SNX24: variants seen among roughly 807,000 people sequenced by gnomAD.
SNX24 encodes sorting nexin-24.
A neutral mutation model predicts 28.7 loss-of-function variants in SNX24; 22 were observed. That is an observed-to-expected ratio of 0.77 (90% CI 0.55 to 1.10). The LOEUF (loss-of-function observed/expected upper bound fraction) is 1.10, where lower values mean the gene tolerates loss of function less well. SNX24 is among the 50% of genes least tolerant of loss of function. SNX24 has a pLI of 0.00. For synonymous variants in SNX24, 69 were observed against 71.5 expected, an observed-to-expected ratio of 0.96 and a Z score of 0.18; for missense variants, 221 against 201.1, an observed-to-expected ratio of 1.10 and a Z score of -0.60.
chr5:122,949,621 T>G (rs1240669222), intron 3 of SNX24, among the ~76,000 whole-genome samples: 1 of 152,204 alleles, frequency 6.6e-6, no homozygotes, highest in Admixed American at 6.5e-5. Context: ...GATTTCCATA[T>G]GATCATATTT....
At chr5:122,983,933 G>A (rs1232559852) in intron 3 of SNX24, among the ~76,000 whole-genome samples, 6 of 152,192 alleles carry the variant, frequency 3.9e-5, no homozygotes, top group Non-Finnish European at 7.3e-5. Context: ...ATATTATTGT[G>A]ATAGTCATCA....
intron 1 of SNX24, among the ~76,000 whole-genome samples, chr5:122,864,750 A>G (rs1326988511): frequency 6.6e-6 from 1 of 152,198 alleles, no homozygotes; most frequent in Non-Finnish European, 1.5e-5. Context: ...TATCTTAAGC[A>G]CTGATCTTAG....
At chr5:122,962,284 G>C (rs946061769) in intron 3 of SNX24, among the ~76,000 whole-genome samples, 2 of 151,614 alleles carry the variant, frequency 1.3e-5, no homozygotes, top group African/African-American at 2.4e-5. Flanking sequence ...TATTTTTAAG[G>C]CTTGCATTAT....
At chr5:122,864,728 G>C (rs1422162664) in intron 1 of SNX24, among the ~76,000 whole-genome samples, 3 of 152,314 alleles carry the variant, frequency 2.0e-5, no homozygotes, top group Non-Finnish European at 2.9e-5. Flanking sequence ...ATCAAGTGCG[G>C]GGTCTGCAAA....
At chr5:122,917,211 T>A (rs1398729014) in intron 1 of SNX24, among the ~76,000 whole-genome samples, 1 of 150,404 alleles carries the variant, frequency 6.6e-6, no homozygotes, top group East Asian at 1.9e-4. Context: ...GAGCCGAGAT[T>A]GTGCCACTGC....
In SNX24 at chr5:122,866,061, A is replaced by G. The variant is rs187356819; in HGVS notation, c.60+20368A>G. On this transcript the variant is annotated intron_variant, in intron 1 of 6. Transcript: ENST00000261369. ...ATATTTGTTTGCTGTATATACATAC[A>G]TATTTTTGTAACAAAATAAGGAGGA... Among the ~76,000 whole-genome samples, 32 of 152,358 alleles carry G rather than the reference A, an allele frequency of 2.1e-4. 1 individual carries two copies. The East Asian group carries it at 6.0e-3, about 28-fold the overall frequency.
intron 3 of SNX24, among the ~76,000 whole-genome samples, chr5:122,951,911 C>G (rs1189750488): frequency 6.6e-6 from 1 of 152,210 alleles, no homozygotes; most frequent in Non-Finnish European, 1.5e-5. Flanking sequence ...ACAAGTAGAT[C>G]CATTCAGGGC....
intron 3 of SNX24, among the ~76,000 whole-genome samples, chr5:122,973,612 C>T (rs1309980415): frequency 1.3e-5 from 2 of 152,204 alleles, no homozygotes; most frequent in Non-Finnish European, 2.9e-5. Flanking sequence ...AGGACCTGCT[C>T]AAGCCTGATT....
chr5:122,918,711 T>C (rs954117057), intron 1 of SNX24, among the ~76,000 whole-genome samples: 3 of 152,174 alleles, frequency 2.0e-5, no homozygotes, highest in African/African-American at 7.2e-5. Context: ...CTCATATTTA[T>C]TGATGGAAAG....
intron 1 of SNX24, among the ~76,000 whole-genome samples, chr5:122,913,905 G>C (rs1384226823): frequency 6.6e-6 from 1 of 152,196 alleles, no homozygotes; most frequent in Non-Finnish European, 1.5e-5. Flanking sequence ...GTTAGGAGCT[G>C]GAGACCACCC....
At chr5:123,000,824 G>C (rs1762220521) in intron 4 of SNX24, among the ~76,000 whole-genome samples, 1 of 152,108 alleles carries the variant, frequency 6.6e-6, no homozygotes, top group South Asian at 2.1e-4. Flanking sequence ...ATGCAGGAGA[G>C]AGGTTTACCC....
chr5:122,958,956 C>G (rs1760342899), intron 3 of SNX24, among the ~76,000 whole-genome samples: 1 of 152,040 alleles, frequency 6.6e-6, no homozygotes, highest in Non-Finnish European at 1.5e-5. Context: ...CTGTAGTTTT[C>G]TTTTTGGGGG....
chr5:122,873,640 G>A (rs1363683978), intron 1 of SNX24, among the ~76,000 whole-genome samples: 3 of 152,024 alleles, frequency 2.0e-5, no homozygotes, highest in South Asian at 2.1e-4. Context: ...TTTATTTAAC[G>A]AATGGTTTTT....
At chr5:122,969,669 C>T (rs868319701) in intron 3 of SNX24, among the ~76,000 whole-genome samples, 7 of 152,026 alleles carry the variant, frequency 4.6e-5, no homozygotes, top group Admixed American at 3.3e-4. Context: ...AGTATTATTC[C>T]GGAAAGACAT....
intron 3 of SNX24, among the ~76,000 whole-genome samples, chr5:122,984,645 T>G (rs1215751700): frequency 6.6e-6 from 1 of 152,204 alleles, no homozygotes; most frequent in African/African-American, 2.4e-5. Flanking sequence ...TTATTTGAAG[T>G]TATGCTTTAA....
intron 2 of SNX24, among the ~76,000 whole-genome samples, chr5:122,942,457 C>T (rs1204624794): frequency 6.6e-6 from 1 of 152,180 alleles, no homozygotes; most frequent in Non-Finnish European, 1.5e-5. Flanking sequence ...CAAGTGTTTC[C>T]CGCTTCTTTA....
intron 3 of SNX24, among the ~76,000 whole-genome samples, chr5:122,974,211 A>T (rs770288550): frequency 3.3e-5 from 5 of 152,218 alleles, no homozygotes; most frequent in African/African-American, 1.2e-4. Context: ...AATTTCACTG[A>T]GGTAGAAGGT....
At chr5:122,863,101 A>T (rs1172733087) in intron 1 of SNX24, among the ~76,000 whole-genome samples, 1 of 152,184 alleles carries the variant, frequency 6.6e-6, no homozygotes, top group Non-Finnish European at 1.5e-5. Flanking sequence ...TAGTTGGGGG[A>T]GAGTAAGAGT....
At chr5:122,973,638 C>G (rs538943178) in intron 3 of SNX24, among the ~76,000 whole-genome samples, 12 of 152,290 alleles carry the variant, frequency 7.9e-5, no homozygotes, top group African/African-American at 2.2e-4. Flanking sequence ...TATATCACTT[C>G]CATTTAATGG....
Sources: allele counts gnomAD v4.1 joint callset (sites outside exome capture counted in the v4.1 genomes callset), GRCh38; gene constraint gnomAD v4.1.1; transcripts MANE v1.5; gene names NCBI Gene and HGNC (gene_info 2026-07-23, HGNC 2026-07-21).